The following NRXN3 variants were observed in gnomAD, a reference collection of about 807,000 sequenced individuals.
The protein encoded by NRXN3 is neurexin 3, also known as neurexin III.
NRXN3 carries 32 observed loss-of-function variants against 137.6 expected under a neutral mutation model. That is an observed-to-expected ratio of 0.23 (90% CI 0.18 to 0.31). NRXN3 has a LOEUF of 0.31. Ranked by LOEUF, NRXN3 falls within the 10% of genes least tolerant of loss-of-function variation. The pLI is 1.00. For synonymous variants in NRXN3, 798 were observed against 784.5 expected, an observed-to-expected ratio of 1.02 and a Z score of -0.29; for missense variants, 1,574 against 2,062.5, an observed-to-expected ratio of 0.76 and a Z score of 4.59.
At chr14:79,121,373 T>C (rs1385197959) in intron 15 of NRXN3, among the ~76,000 whole-genome samples, 1 of 152,182 alleles carries the variant, frequency 6.6e-6, no homozygotes, top group Non-Finnish European at 1.5e-5. Context: ...GCATGAGGGC[T>C]TACCAATAAG....
At chr14:78,442,740 T>A (rs2094299592) in intron 4 of NRXN3, among the ~76,000 whole-genome samples, 1 of 152,206 alleles carries the variant, frequency 6.6e-6, no homozygotes, top group South Asian at 2.1e-4. Flanking sequence ...CCTTGGGTTG[T>A]CTAGGCAGCT....
intron 6 of NRXN3, among the ~76,000 whole-genome samples, chr14:78,700,640 T>A (rs1004439278): frequency 6.6e-6 from 1 of 152,304 alleles, no homozygotes; most frequent in South Asian, 2.1e-4. Context: ...CAAGTTCTTA[T>A]TTGTTAACTT....
intron 16 of NRXN3, among the ~76,000 whole-genome samples, chr14:79,537,658 A>G (rs1208160426): frequency 2.0e-5 from 3 of 152,138 alleles, no homozygotes; most frequent in Non-Finnish European, 4.4e-5. Context: ...TCCATGGTGT[A>G]TATGTGCCAC....
intron 15 of NRXN3, among the ~76,000 whole-genome samples, chr14:79,181,257 G>A (rs932993485): frequency 6.6e-6 from 1 of 152,068 alleles, no homozygotes; most frequent in East Asian, 1.9e-4. Flanking sequence ...AAGCCTGTAA[G>A]TTAGCACAAC....
chr14:79,823,660 T>G (rs1430759043), intron 20 of NRXN3, among the ~76,000 whole-genome samples: 1 of 152,190 alleles, frequency 6.6e-6, no homozygotes. Flanking sequence ...CTGTTATTTC[T>G]TAAAATATAG....
intron 15 of NRXN3, among the ~76,000 whole-genome samples, chr14:79,019,012 G>A (rs2099584372): frequency 6.6e-6 from 1 of 152,016 alleles, no homozygotes; most frequent in South Asian, 2.1e-4. Flanking sequence ...GGCTTTCTCT[G>A]TCTACCAAAG....
At chr14:78,875,622 A>T (rs570612212) in intron 10 of NRXN3, among the ~76,000 whole-genome samples, 1 of 152,316 alleles carries the variant, frequency 6.6e-6, no homozygotes, top group African/African-American at 2.4e-5. Flanking sequence ...TTCTCAGCTC[A>T]TTTTAAACAT....
chr14:78,761,171 G>A (rs559085990), intron 8 of NRXN3, among the ~76,000 whole-genome samples: 4 of 152,200 alleles, frequency 2.6e-5, no homozygotes, highest in Admixed American at 6.5e-5. Context: ...AAAATTCCCC[G>A]CAATCGCTCT....
At chr14:78,424,360 G>T (rs2093579122) in intron 4 of NRXN3, among the ~76,000 whole-genome samples, 1 of 152,138 alleles carries the variant, frequency 6.6e-6, no homozygotes, top group African/African-American at 2.4e-5. Flanking sequence ...TCTTCAATGT[G>T]AAAGCTATTC....
chr14:78,635,504 T>A (rs2152548934), intron 4 of NRXN3, among the ~76,000 whole-genome samples: 1 of 152,326 alleles, frequency 6.6e-6, no homozygotes, highest in East Asian at 1.9e-4. Context: ...TCTAGATTCA[T>A]TGTGGATATT....
chr14:78,946,727 G>A (rs748448973), intron 10 of NRXN3, among the ~76,000 whole-genome samples: 1 of 152,102 alleles, frequency 6.6e-6, no homozygotes, highest in Non-Finnish European at 1.5e-5. Context: ...CCAAACTGTT[G>A]CACAGAAGTA....
At chr14:78,735,892 G>A (rs1007484427) in intron 8 of NRXN3, among the ~76,000 whole-genome samples, 6 of 152,172 alleles carry the variant, frequency 3.9e-5, no homozygotes, top group African/African-American at 1.4e-4. Context: ...AGAGGGAAAT[G>A]TATCTAAGAC....
At position 79,131,463 on chromosome 14, in the gene NRXN3, G is replaced by A. The variant is rs532901047; in HGVS notation, c.3262+143322G>A. Among the ~76,000 whole-genome samples, 50 of 151,834 alleles carry A rather than the reference G, an allele frequency of 3.3e-4. 2 individuals are homozygous for A. Among genetic ancestry groups the A allele is most frequent in the South Asian group, 4.2e-4 (2 of 4,818 alleles). Reference sequence around the variant, plus strand: ...TGTGAGGTGTCAGTCTGCCCCTGCTGGGGGGTGCCTCCCAGTTAGGCTGCT... The same window carrying A: ...TGTGAGGTGTCAGTCTGCCCCTGCTAGGGGGTGCCTCCCAGTTAGGCTGCT... On this transcript the variant is annotated intron_variant, in intron 15 of 20. Transcript: ENST00000335750.
At chr14:78,649,108 T>A (rs1470868219) in intron 5 of NRXN3, among the ~76,000 whole-genome samples, 2 of 152,190 alleles carry the variant, frequency 1.3e-5, no homozygotes, top group Non-Finnish European at 2.9e-5. Flanking sequence ...GGGTGCCTTT[T>A]TTTTGAGAAA....
chr14:79,376,523 CA>C lies in NRXN3; in HGVS notation c.3263-90697del, dbSNP rs544464722. 2.8e-3 allele frequency among the ~76,000 whole-genome samples: 430 copies of C among 152,110 alleles called. 2 individuals are homozygous for C. Among genetic ancestry groups the C allele is most frequent in the African/African-American group, 9.9e-3 (411 of 41,510 alleles). On this transcript the variant is annotated intron_variant, in intron 15 of 20. Coordinates refer to ENST00000335750, the MANE Select transcript of NRXN3 (RefSeq NM_001330195.2). ...GAGAAAGAAATGGGAAACCAGCTAGCAGCTCATTACATGAATTCAAACAGTT... is the reference window on the plus strand; with the variant it reads ...GAGAAAGAAATGGGAAACCAGCTAGCGCTCATTACATGAATTCAAACAGTT...
chr14:79,709,486 T>C (rs1042112292), intron 19 of NRXN3, among the ~76,000 whole-genome samples: 3 of 152,142 alleles, frequency 2.0e-5, no homozygotes, highest in Non-Finnish European at 2.9e-5. Flanking sequence ...GAAAAAAACA[T>C]AGGTAAAATT....
chr14:79,520,786 G>T (rs976311444), intron 16 of NRXN3, among the ~76,000 whole-genome samples: 1 of 152,198 alleles, frequency 6.6e-6, no homozygotes, highest in African/African-American at 2.4e-5. Flanking sequence ...TGGAGAGGAT[G>T]TGGAGAAGTA....
At chr14:78,222,383 G>A (rs866769202) in intron 1 of NRXN3, among the ~76,000 whole-genome samples, 1 of 152,220 alleles carries the variant, frequency 6.6e-6, no homozygotes, top group Middle Eastern at 3.4e-3. Context: ...GGGCTCACCC[G>A]AGGTAAACTC....
chr14:78,575,560 G>A (rs2096928766), intron 4 of NRXN3, among the ~76,000 whole-genome samples: 1 of 152,170 alleles, frequency 6.6e-6, no homozygotes, highest in East Asian at 1.9e-4. Context: ...TTTAACAAAT[G>A]CCAAGTATGT....
Sources: allele counts gnomAD v4.1 joint callset (sites outside exome capture counted in the v4.1 genomes callset), GRCh38; gene constraint gnomAD v4.1.1; transcripts MANE v1.5; gene names NCBI Gene and HGNC (gene_info 2026-07-23, HGNC 2026-07-21).